The following NOVA1 variants were observed in gnomAD, a reference collection of about 807,000 sequenced individuals.
The protein encoded by NOVA1 is NOVA alternative splicing regulator 1.
A neutral mutation model predicts 38.0 loss-of-function variants in NOVA1; 7 were observed. The observed-to-expected ratio is 0.18, with a 90% CI of 0.10 to 0.35. NOVA1 has a LOEUF of 0.35. Ranked by LOEUF, NOVA1 falls within the 10% of genes least tolerant of loss-of-function variation. The pLI, the probability that NOVA1 is intolerant of heterozygous loss-of-function variation, is 1.00. For missense variants in NOVA1, 460 were observed against 616.0 expected (o/e 0.75, Z 2.68); for synonymous variants, 270 against 232.5 (o/e 1.16, Z -1.47).
At chr14:26,562,632 G>A (rs989540263) in intron 2 of NOVA1, among the ~76,000 whole-genome samples, 1 of 152,124 alleles carries the variant, frequency 6.6e-6, no homozygotes, top group Non-Finnish European at 1.5e-5. Context: ...GCACAGAGAG[G>A]AAGCTGAAAA....
intron 2 of NOVA1, among the ~76,000 whole-genome samples, chr14:26,507,461 AAG>A (rs1477514484): frequency 6.6e-6 from 1 of 152,190 alleles, no homozygotes; most frequent in African/African-American, 2.4e-5. Flanking sequence ...GGGTTTTATA[AAG>A]AGTGTTTTTT....
At chr14:26,539,508 T>C (rs1457000869) in intron 2 of NOVA1, among the ~76,000 whole-genome samples, 1 of 150,110 alleles carries the variant, frequency 6.7e-6, no homozygotes, top group Non-Finnish European at 1.5e-5. Flanking sequence ...AAAAAGTGGA[T>C]TTATAAAATT....
At chr14:26,578,697 A>T (rs1893019066) in intron 2 of NOVA1, among the ~76,000 whole-genome samples, 1 of 152,210 alleles carries the variant, frequency 6.6e-6, no homozygotes, top group Non-Finnish European at 1.5e-5. Context: ...TAATATCATC[A>T]TATATTGTGT....
chr14:26,511,904 T>C (rs1888126036), intron 2 of NOVA1, among the ~76,000 whole-genome samples: 1 of 152,142 alleles, frequency 6.6e-6, no homozygotes, highest in South Asian at 2.1e-4. Context: ...GAAATATCAT[T>C]AAACAAAAGT....
chr14:26,497,077 T>C (rs1160512725), intron 2 of NOVA1, among the ~76,000 whole-genome samples: 1 of 152,082 alleles, frequency 6.6e-6, no homozygotes, highest in Non-Finnish European at 1.5e-5. Context: ...CTATATAAGC[T>C]GATAAGCAAC....
chr14:26,586,590 A>G (rs1055301454), intron 2 of NOVA1, among the ~76,000 whole-genome samples: 1 of 151,212 alleles, frequency 6.6e-6, no homozygotes, highest in African/African-American at 2.4e-5. Context: ...TAATAAGTCA[A>G]TACTCTAACC....
At chr14:26,465,574 GACA>G (rs1311002211) in intron 4 of NOVA1, among the ~76,000 whole-genome samples, 1 of 152,146 alleles carries the variant, frequency 6.6e-6, no homozygotes, top group Non-Finnish European at 1.5e-5. Flanking sequence ...GCATAAAATA[GACA>G]TCAAGCCAAG....
intron 2 of NOVA1, among the ~76,000 whole-genome samples, chr14:26,565,409 C>T (rs1892074077): frequency 6.6e-6 from 1 of 152,112 alleles, no homozygotes. Context: ...CCTCAGATGA[C>T]TCTTCTGTTC....
At chr14:26,579,127 G>C (rs927437579) in intron 2 of NOVA1, among the ~76,000 whole-genome samples, 12 of 121,698 alleles carry the variant, frequency 9.9e-5, no homozygotes, top group Non-Finnish European at 1.6e-5. Context: ...GAGTGATCTT[G>C]GCTCACTGGA....
At chr14:26,485,532 C>CT (rs1885817224) in intron 2 of NOVA1, among the ~76,000 whole-genome samples, 1 of 151,920 alleles carries the variant, frequency 6.6e-6, no homozygotes, top group Non-Finnish European at 1.5e-5. Context: ...TGAACTCTAC[C>CT]TAAAATAATA....
rs575821431 is a variant in NOVA1, at chr14:26,535,574, A to G, written c.281-55431T>C. ...TTTCTCAAAAAACCCTGGCATATGT[A>G]AAAATTAAGCAAAAAAATTTAGCAT... On this transcript the variant is annotated intron_variant, in intron 2 of 4. Coordinates refer to ENST00000539517, the MANE Select transcript of NOVA1 (RefSeq NM_002515.3). Among the ~76,000 whole-genome samples the G allele has an allele frequency of 1.2e-4, 18 of 152,320 alleles. 1 individual carries two copies. In the South Asian group the frequency reaches 3.1e-3, roughly 26 times the overall value.
At chr14:26,474,837 T>C (rs941265355) in intron 3 of NOVA1, among the ~76,000 whole-genome samples, 2 of 152,032 alleles carry the variant, frequency 1.3e-5, no homozygotes, top group African/African-American at 2.4e-5. Flanking sequence ...GAAAATGTAA[T>C]GAAATAAAGA....
intron 2 of NOVA1, among the ~76,000 whole-genome samples, chr14:26,483,701 G>C (rs1885641929): frequency 6.6e-6 from 1 of 152,090 alleles, no homozygotes; most frequent in South Asian, 2.1e-4. Flanking sequence ...TAGCACTATA[G>C]ATTAATACTG....
chr14:26,479,815 AG>A (rs1885299624), intron 3 of NOVA1, 161 bp downstream of exon 3: 1 of 653,666 alleles, frequency 1.5e-6, no homozygotes, highest in Non-Finnish European at 2.5e-6. Flanking sequence ...GATCAATCTA[AG>A]GATGAGACCT....
At chr14:26,506,960 T>C (rs2138433125) in intron 2 of NOVA1, among the ~76,000 whole-genome samples, 1 of 152,316 alleles carries the variant, frequency 6.6e-6, no homozygotes, top group South Asian at 2.1e-4. Context: ...CCAGAATGAT[T>C]TTATTTAATC....
intron 2 of NOVA1, among the ~76,000 whole-genome samples, chr14:26,483,614 ATG>A (rs1181637748): frequency 1.3e-5 from 2 of 152,212 alleles, no homozygotes; most frequent in Admixed American, 1.3e-4. Flanking sequence ...ATGCTTCTTG[ATG>A]TGATGTAATA....
At chr14:26,469,232 G>A (rs1566448928) in intron 4 of NOVA1, among the ~76,000 whole-genome samples, 1 of 152,018 alleles carries the variant, frequency 6.6e-6, no homozygotes, top group Non-Finnish European at 1.5e-5. Flanking sequence ...CTTCAGTAGG[G>A]GAAGAAGAGC....
At chr14:26,501,771 G>GA (rs1012636130) in intron 2 of NOVA1, among the ~76,000 whole-genome samples, 2 of 151,684 alleles carry the variant, frequency 1.3e-5, no homozygotes, top group African/African-American at 2.4e-5. Flanking sequence ...ATTTTGAGGA[G>GA]AAAAAAATTT....
chr14:26,557,961 A>T (rs970126962), intron 2 of NOVA1, among the ~76,000 whole-genome samples: 2 of 151,968 alleles, frequency 1.3e-5, no homozygotes, highest in African/African-American at 4.8e-5. Context: ...TGCCATAAAA[A>T]GACAAAGAGG....
Sources: allele counts gnomAD v4.1 joint callset (sites outside exome capture counted in the v4.1 genomes callset), GRCh38; gene constraint gnomAD v4.1.1; transcripts MANE v1.5; gene names NCBI Gene and HGNC (gene_info 2026-07-23, HGNC 2026-07-21).